ZNF714: variants seen among roughly 807,000 people sequenced by gnomAD.
The protein encoded by ZNF714 is zinc finger protein 714.
Under a neutral mutation model 46.2 loss-of-function variants are expected in ZNF714, and 32 were observed. That is an observed-to-expected ratio of 0.69 (90% CI 0.52 to 0.93). The LOEUF is 0.93. ZNF714 is among the 40% of genes least tolerant of loss of function. The pLI is 0.00. For synonymous variants in ZNF714, 199 were observed against 213.1 expected (o/e 0.93, Z 0.58); for missense variants, 635 against 646.3 (o/e 0.98, Z 0.19).
chr19:21,118,868 T>A lies in ZNF714; in HGVS notation c.*536T>A. The A allele has an allele frequency of 4.7e-6, 1 of 210,708 alleles. No individual in the cohort carries two copies. The highest frequency in any genetic ancestry group is 9.9e-6 in the Non-Finnish European group (1 of 101,108). 13.1% of individuals were successfully genotyped at this position (210,708 alleles called of 1,614,324 possible). A position where few individuals can be genotyped will look rare whatever the true frequency, so the allele number is the denominator to read the frequency against. On this transcript the variant is annotated 3_prime_UTR_variant, in exon 5 of 5. Transcript: ENST00000456283. ...GAATGAGACAAAGCCTTTAAATGGT[T>A]GTCACACTTGATTGTAGGTAAGATA...
chr19:21,119,508 T>C lies in ZNF714; in HGVS notation c.*1176T>C, dbSNP rs960527070. On this transcript the variant is annotated 3_prime_UTR_variant, in exon 5 of 5. Coordinates refer to ENST00000456283, the MANE Select transcript of ZNF714 (RefSeq NM_182515.4). ...GCCTTTACTTGTATCACAGATCTTATTGTAGACATTTTTTGTAGAGGAAAA... is the reference window on the plus strand; with the variant it reads ...GCCTTTACTTGTATCACAGATCTTACTGTAGACATTTTTTGTAGAGGAAAA... 6.5e-5 allele frequency: 10 copies of C among 152,814 alleles called. No individual in the cohort carries two copies. Among genetic ancestry groups the C allele is most frequent in the Admixed American group, 4.6e-4 (7 of 15,368 alleles). The allele number at this position is 152,814 out of a possible 1,614,324, so 9.5% of individuals were successfully genotyped here.
At chr19:21,107,653 C>T (rs956154696) in intron 4 of ZNF714, among the ~76,000 whole-genome samples, 1 of 139,592 alleles carries the variant, frequency 7.2e-6, no homozygotes. Flanking sequence ...TTTTATTGAC[C>T]ATTGAACAAA....
intron 4 of ZNF714, among the ~76,000 whole-genome samples, chr19:21,115,021 T>C (rs932878812): frequency 5.9e-5 from 9 of 152,164 alleles, no homozygotes; most frequent in African/African-American, 2.2e-4. Flanking sequence ...TTTTACTTCT[T>C]TCTTATTTTG....
At chr19:21,109,827 A>T (rs1352054339) in intron 4 of ZNF714, among the ~76,000 whole-genome samples, 2 of 152,066 alleles carry the variant, frequency 1.3e-5, no homozygotes, top group African/African-American at 4.8e-5. Context: ...TTCCACTTAT[A>T]AGTGAGAACA....
chr19:21,118,199 A>T lies in ZNF714; in HGVS notation c.1535A>T (p.Asn512Ile), dbSNP rs998753735. ...CAGGGCATGGTGGCTCATGCCTGTA[A>T]TCCCAACACTTTGAGAGGACTAGGT... ...IQQGMVAHAC[N>I]PNTLRGLGEQ... The change falls in exon 5 of 5, where the codon AAT (asparagine) becomes ATT (isoleucine). Residue 512 changes from asparagine to isoleucine, a missense_variant. By Grantham distance (149) the Asn-to-Ile change is moderately radical. Transcript: ENST00000456283. The T allele has an allele frequency of 1.9e-6, 3 of 1,605,776 alleles. No homozygotes were observed. The highest frequency in any genetic ancestry group is 1.3e-5 in the African/African-American group (1 of 74,790).
intron 4 of ZNF714, among the ~76,000 whole-genome samples, chr19:21,099,268 T>C (rs1003752330): frequency 6.6e-6 from 1 of 152,124 alleles, no homozygotes; most frequent in Non-Finnish European, 1.5e-5. Context: ...AACCTGTGCC[T>C]TTTGGGTTCG....
intron 2 of ZNF714, among the ~76,000 whole-genome samples, chr19:21,097,573 G>GTT (rs111365871): frequency 6.6e-6 from 1 of 151,594 alleles, no homozygotes; most frequent in African/African-American, 2.4e-5. Context: ...TTTTTCTTAG[G>GTT]TTTTTTTGTT....
rs1969633219 is a variant in ZNF714 at position 21,117,756 on chromosome 19, T to C, written c.1092T>C (p.Thr364=). The C allele has an allele frequency of 6.2e-7, 1 of 1,613,754 alleles. No homozygotes were observed. Among genetic ancestry groups the C allele is most frequent in the African/African-American group, 1.3e-5 (1 of 74,920 alleles). The change falls in exon 5 of 5, where the codon ACT becomes ACC. Residue 364 remains threonine (T), a synonymous_variant. Transcript: ENST00000456283. The part of the protein sequence containing the change: ...SHLTTHKMIH[T]GEKPYKCEEC... ...TTACTACACATAAGATGATTCATAC[T>C]GGAGAGAAACCCTACAAATGTGAAG...
At chr19:21,115,916 A>G (rs927395388) in intron 4 of ZNF714, among the ~76,000 whole-genome samples, 3 of 150,468 alleles carry the variant, frequency 2.0e-5, no homozygotes, top group African/African-American at 7.3e-5. Flanking sequence ...CTGTATTCCT[A>G]TTTTACTCAT....
Position 21,122,428 on chromosome 19 carries a change from T to C in ZNF714, c.*4096T>C, listed in dbSNP as rs957428422. On this transcript the variant is annotated 3_prime_UTR_variant, in exon 5 of 5. Transcript: ENST00000456283. ...GGTTAGGAGTTTCAGACCAGCCTGGTGAAACCCGGTCTCTACTAATAAACT... is the reference window on the plus strand; with the variant it reads ...GGTTAGGAGTTTCAGACCAGCCTGGCGAAACCCGGTCTCTACTAATAAACT... The C allele has an allele frequency of 3.3e-5, 5 of 152,046 alleles. No individual in the cohort carries two copies. The highest frequency in any genetic ancestry group is 2.6e-4 in the Admixed American group (4 of 15,264). 9.4% of individuals were successfully genotyped at this position (152,046 alleles called of 1,614,324 possible). A position where few individuals can be genotyped will look rare whatever the true frequency, so the allele number is the denominator to read the frequency against.
intron 2 of ZNF714, among the ~76,000 whole-genome samples, chr19:21,089,823 A>G: frequency 7.8e-6 from 1 of 127,856 alleles, no homozygotes. Flanking sequence ...TTTACATAGG[A>G]GATAAACAGT....
At chr19:21,104,502 G>A (rs1969266779) in intron 4 of ZNF714, among the ~76,000 whole-genome samples, 1 of 150,262 alleles carries the variant, frequency 6.7e-6, no homozygotes, top group Non-Finnish European at 1.5e-5. Flanking sequence ...AGTCAACATA[G>A]TTTTATTTTC....
intron 2 of ZNF714, 23 bp from the exon 3 acceptor site, chr19:21,098,162 G>A (rs770058367): frequency 6.3e-7 from 1 of 1,594,546 alleles, no homozygotes; most frequent in Non-Finnish European, 8.5e-7. Flanking sequence ...ATATACGTGT[G>A]TCTGTGCGTA....
chr19:21,124,952 T>C lies in ZNF714; in HGVS notation c.*6620T>C, dbSNP rs1200327485. ...TATAATTTTTTTCTTTTTTTTTTTT[T>C]TTTTTAAGGCCAGGTGTGGTGTCTT... On this transcript the variant is annotated 3_prime_UTR_variant, in exon 5 of 5. Transcript: ENST00000456283. 1 of 150,166 alleles carries C rather than the reference T, an allele frequency of 6.7e-6. No homozygotes were observed. The highest frequency in any genetic ancestry group is 1.5e-5 in the Non-Finnish European group (1 of 67,512). 9.3% of individuals were successfully genotyped at this position (150,166 alleles called of 1,614,324 possible).
chr19:21,087,222 C>CAAAAAAAA (rs57295093), intron 2 of ZNF714, among the ~76,000 whole-genome samples: 1 of 92,168 alleles, frequency 1.1e-5, no homozygotes, highest in African/African-American at 4.4e-5. Context: ...GCAGTCTCAG[C>CAAAAAAAA]AAAAAAAAAA....
intron 4 of ZNF714, among the ~76,000 whole-genome samples, chr19:21,099,846 C>A (rs73022648): frequency 0.075 from 11,468 of 152,056 alleles, 493 homozygotes; most frequent in Non-Finnish European, 0.086. Context: ...TCTTTCAATC[C>A]ATAGACATGA....
At chr19:21,093,289 A>G (rs1599532713) in intron 2 of ZNF714, among the ~76,000 whole-genome samples, 2 of 150,018 alleles carry the variant, frequency 1.3e-5, no homozygotes, top group African/African-American at 2.5e-5. Flanking sequence ...CTGGAGTGTG[A>G]TGGCGCCACC....
chr19:21,104,980 C>G (rs1327248604), intron 4 of ZNF714, among the ~76,000 whole-genome samples: 2 of 151,284 alleles, frequency 1.3e-5, no homozygotes, highest in African/African-American at 4.9e-5. Flanking sequence ...AATGTTTTAT[C>G]CCATTTGGGT....
chr19:21,105,783 C>T (rs1306514596), intron 4 of ZNF714, among the ~76,000 whole-genome samples: 2 of 151,984 alleles, frequency 1.3e-5, no homozygotes, highest in South Asian at 2.1e-4. Context: ...GGTAAAACCC[C>T]GTCTCCACTA....
Sources: gnomAD v4.1 joint callset for allele counts (sites outside exome capture counted in the v4.1 genomes callset) on GRCh38, gnomAD v4.1.1 for gene constraint, MANE v1.5 for transcripts, NCBI Gene and HGNC (gene_info 2026-07-23, HGNC 2026-07-21) for gene names.